Variants in ARHGAP4 observed in about 807,000 individuals in gnomAD.
ARHGAP4 encodes Rho GTPase activating protein 4.
In ARHGAP4, 25 loss-of-function variants were observed where a neutral mutation model predicts 67.6. That is an observed-to-expected ratio of 0.37 (90% CI 0.27 to 0.52). The LOEUF (loss-of-function observed/expected upper bound fraction) is 0.52, where lower values mean the gene tolerates loss of function less well. Ranked by LOEUF, ARHGAP4 falls within the 20% of genes least tolerant of loss-of-function variation. ARHGAP4 has a pLI of 0.92. For missense variants in ARHGAP4, 804 were observed against 854.6 expected, an observed-to-expected ratio of 0.94 and a Z score of 0.74; for synonymous variants, 448 against 373.7, an observed-to-expected ratio of 1.20 and a Z score of -2.29.
At chrX:153,925,810 T>C (rs1276144646) in intron 1 of ARHGAP4, among the ~76,000 whole-genome samples, 1 of 112,986 alleles carries the variant, frequency 8.9e-6, no homozygotes, top group Admixed American at 9.3e-5. Flanking sequence ...AAATACTGCC[T>C]TCTGAGGGGC....
intron 5 of ARHGAP4, chrX:153,920,370 T>C (rs1027276184): frequency 7.8e-5 from 30 of 384,614 alleles, no homozygotes; most frequent in Non-Finnish European, 1.3e-4. Flanking sequence ...ACGGAATGGC[T>C]GGCAGAACAG....
chrX:153,921,901 C>T (rs946191045), intron 1 of ARHGAP4, 92 bp from the exon 2 acceptor site: 13 of 1,021,957 alleles, frequency 1.3e-5, no homozygotes, highest in African/African-American at 1.9e-5. Flanking sequence ...GGCACACAGA[C>T]CCCAGTCCCG....
rs782781360 is a variant in ARHGAP4, at chrX:153,918,882, C to T, written c.982G>A (p.Val328Ile). The change falls in exon 7 of 22, where the codon GTC (valine) becomes ATC (isoleucine). Residue 328 changes from valine (V) to isoleucine (I), a missense_variant. Physicochemically the swap from Val to Ile is conservative, Grantham distance 29. Around this residue, in one of 2 missense-constraint regions of ARHGAP4, gnomAD observed 404 missense variants for 505.9 expected, o/e 0.80. Transcript: ENST00000350060. Reference protein sequence around the residue: ...KAKVLEVHATVFCPPLRFDYH... With the variant: ...KAKVLEVHATIFCPPLRFDYH... ...TCAAAGCGCAGCGGGGGACAGAAGA[C>T]GGTAGCATGCACCTCGAGAACCTTG... The T allele has an allele frequency of 9.1e-6, 11 of 1,210,937 alleles. No individual in the cohort carries two copies. The highest frequency in any genetic ancestry group is 3.5e-5 in the South Asian group (2 of 56,907).
In ARHGAP4 at chrX:153,918,923, G is replaced by A; in HGVS notation, c.941C>T (p.Pro314Leu). Residue 314 changes from proline (P) to leucine (L), a missense_variant, in exon 7 of 22, where the codon CCT becomes CTT. Physicochemically the swap from Pro to Leu is moderately conservative, Grantham distance 98 (BLOSUM62 -3). Transcript: ENST00000350060. ...GAGAACCTTGGCTTTGTCCCCTGGA[G>A]GATCCAGGGCCTCCACAGCTTCTTC... ...SLEEAVEALD[P>L]PGDKAKVLEV... The A allele has an allele frequency of 8.2e-7, 1 of 1,212,157 alleles. No individual in the cohort carries two copies. The highest frequency in any genetic ancestry group is 1.1e-6 in the Non-Finnish European group (1 of 895,486).
chrX:153,911,085 G>A, intron 13 of ARHGAP4, 44 bp downstream of exon 13: 5 of 1,163,361 alleles, frequency 4.3e-6, no homozygotes, highest in East Asian at 3.3e-5. Context: ...CTGGGAACTG[G>A]GTGCTGGGTG....
intron 7 of ARHGAP4, among the ~76,000 whole-genome samples, chrX:153,918,022 T>C (rs2065067130): frequency 3.6e-5 from 4 of 112,256 alleles, no homozygotes; most frequent in Non-Finnish European, 5.6e-5. Context: ...GCAATGGGCA[T>C]GTTCTAGCAA....
intron 13 of ARHGAP4, 57 bp from the exon 14 acceptor site, chrX:153,911,056 T>G (rs1376241985): frequency 8.6e-7 from 1 of 1,160,233 alleles, no homozygotes; most frequent in South Asian, 1.9e-5. Flanking sequence ...CCCTCCAGGA[T>G]GGCCTCCCAT....
At chrX:153,915,179 G>C (rs1298079566) in intron 7 of ARHGAP4, among the ~76,000 whole-genome samples, 1 of 106,717 alleles carries the variant, frequency 9.4e-6, no homozygotes, top group African/African-American at 3.4e-5. Flanking sequence ...CCTCAAAGGA[G>C]AGCCGTGAAC....
rs782623316 is a variant in ARHGAP4 at position 153,922,019 on chromosome X, G to A, written c.68-210C>T. ...CAGATCTGGCCTCAGCTGTCCAGCCGACCTCTGCGCTGAGGCCAACAGATG... is the reference window on the plus strand; with the variant it reads ...CAGATCTGGCCTCAGCTGTCCAGCCAACCTCTGCGCTGAGGCCAACAGATG... On this transcript the variant is annotated intron_variant, in intron 1 of 21. Coordinates refer to ENST00000350060, the MANE Select transcript of ARHGAP4 (RefSeq NM_001666.5). 3.0e-4 allele frequency: 273 copies of A among 900,161 alleles called. 4 individuals are homozygous for A. The Admixed American group carries it at 9.8e-3, about 32-fold the overall frequency. 74.2% of individuals were successfully genotyped at this position (900,161 alleles called of 1,213,427 possible).
chrX:153,909,810 T>G lies in ARHGAP4; in HGVS notation c.2345A>C (p.Asp782Ala). 8.3e-7 allele frequency: 1 copy of G among 1,202,796 alleles called. No individual in the cohort carries two copies. The highest frequency in any genetic ancestry group is 2.4e-4 in the Middle Eastern group (1 of 4,201). The change falls in exon 19 of 22, where the codon GAC (aspartate) becomes GCC (alanine). Residue 782 changes from aspartate (D) to alanine (A), a missense_variant. Asp to Ala is a moderately radical substitution (Grantham distance 126). This residue lies in a region of ARHGAP4 where 400 missense variants were observed against 348.7 expected (regional missense o/e 1.15). Coordinates refer to ENST00000350060, the MANE Select transcript of ARHGAP4 (RefSeq NM_001666.5). ...GCCGTTGTGCTCCCCCCGCCACCAG[T>G]CGCTCGAGGCCCTCTCGTGCAGCCG... ...VLRLHERASS[D>A]WWRGEHNGMR...
At chrX:153,911,916 T>TA (rs1209252413) in intron 12 of ARHGAP4, among the ~76,000 whole-genome samples, 74 of 42,485 alleles carry the variant, frequency 1.7e-3, no homozygotes, top group Non-Finnish European at 2.1e-3. Flanking sequence ...TCTCAACAAA[T>TA]AAAAAAAAAA....
chrX:153,914,078 G>C (rs1036941344), intron 7 of ARHGAP4, 199 bp from the exon 8 acceptor site: 21 of 432,016 alleles, frequency 4.9e-5, no homozygotes, highest in Non-Finnish European at 8.1e-5. Context: ...GTTCGTGGCG[G>C]CACCACTCAT....
intron 1 of ARHGAP4, 83 bp from the exon 2 acceptor site, chrX:153,921,892 G>T: frequency 9.5e-7 from 1 of 1,051,861 alleles, no homozygotes; most frequent in Non-Finnish European, 1.3e-6. Flanking sequence ...AGAGGCAGAG[G>T]CACACAGACC....
In ARHGAP4 at chrX:153,921,296, C is replaced by G. The variant is rs1389912940; in HGVS notation, c.435+69G>C. 5 of 1,199,864 alleles carry G rather than the reference C, an allele frequency of 4.2e-6. No individual in the cohort carries two copies. The African/African-American group carries it at 8.7e-5, about 21-fold the overall frequency. ...TGCTCCCCACCTGGCCTCCAGTGCC[C>G]TCCCAGCCACAGTGCCTCCTGATCC... On this transcript the variant is annotated intron_variant, in intron 3 of 21. Transcript: ENST00000350060.
chrX:153,909,465 G>A lies in ARHGAP4; in HGVS notation c.2485C>T (p.Leu829=), dbSNP rs782533260. ...GESGSSPEGL[L]ASELVHRPEP... ...CACCGGTGGACCAGCTCCGATGCCA[G>A]GAGGCCCTCGGGACTGCTCCCAGAC... is the stretch of plus-strand genomic sequence containing the variant. The change falls in exon 20 of 22, where the codon CTG becomes TTG. Residue 829 remains leucine, a synonymous_variant. Transcript: ENST00000350060. The A allele has an allele frequency of 8.3e-7, 1 of 1,204,627 alleles. No individual in the cohort carries two copies. Among genetic ancestry groups the A allele is most frequent in the East Asian group, 3.0e-5 (1 of 33,699 alleles).
chrX:153,920,325 A>T (rs1449599419), intron 5 of ARHGAP4: 9 of 319,058 alleles, frequency 2.8e-5, no homozygotes, highest in Non-Finnish European at 4.9e-5. Flanking sequence ...CCCATCACCC[A>T]CCCTAAGTGT....
intron 1 of ARHGAP4, among the ~76,000 whole-genome samples, chrX:153,923,054 C>T (rs1360458377): frequency 1.8e-5 from 2 of 110,616 alleles, no homozygotes; most frequent in Non-Finnish European, 3.8e-5. Context: ...AGGGGGAGTC[C>T]GAGAGACCGG....
At chrX:153,910,150 T>G (rs1557102612) in intron 17 of ARHGAP4, 21 bp downstream of exon 17, 1 of 1,209,193 alleles carries the variant, frequency 8.3e-7, no homozygotes, top group African/African-American at 1.7e-5. Flanking sequence ...CCCAGTCCCC[T>G]CGGCAGCACC....
intron 19 of ARHGAP4, 65 bp downstream of exon 19, chrX:153,909,670 TGGGGTC>T: frequency 1.3e-6 from 1 of 786,725 alleles, no homozygotes; most frequent in African/African-American, 3.0e-5. Context: ...GAATCTAACT[TGGGGTC>T]GGGGGAGGGG....
Sources: gnomAD v4.1 joint callset for allele counts (sites outside exome capture counted in the v4.1 genomes callset) on GRCh38, gnomAD v4.1.1 for gene constraint, gnomAD v4.1.1 regional missense constraint, MANE v1.5 for transcripts, NCBI Gene and HGNC (gene_info 2026-07-23, HGNC 2026-07-21) for gene names.